The following GBP2 variants were observed in gnomAD, a reference collection of about 807,000 sequenced individuals.
GBP2 encodes the protein guanylate binding protein 2.
GBP2 carries 54 observed loss-of-function variants against 60.8 expected under a neutral mutation model. The ratio of observed to expected loss-of-function variants is 0.89; its 90% confidence interval spans 0.71 to 1.11. The LOEUF is 1.11. Ranked by LOEUF, GBP2 falls within the 50% of genes most tolerant of loss-of-function variation. The probability of loss-of-function intolerance (pLI) is 0.00; values close to 1 mark genes in which losing one functional copy is unlikely to be tolerated. For missense variants in GBP2, 665 were observed against 703.3 expected (o/e 0.95, Z 0.62); for synonymous variants, 243 against 256.5 (o/e 0.95, Z 0.50).
At chr1:89,108,346 T>G in intron 10 of GBP2, 55 bp from the exon 11 acceptor site, 1 of 1,057,244 alleles carries the variant, frequency 9.5e-7, no homozygotes, top group Non-Finnish European at 1.4e-6. Context: ...TCCACCAGAT[T>G]AGTTCCCCTT....
chr1:89,121,877 G>A lies in GBP2; in HGVS notation c.90C>T (p.Ile30=). Residue 30 remains isoleucine, a synonymous_variant, in exon 2 of 11, where the codon ATC becomes ATT. Coordinates refer to ENST00000370466, the MANE Select transcript of GBP2 (RefSeq NM_004120.5). ...QLVVNPEALK[I]LSAITQPVVV... is the part of the protein sequence containing the mutation. Reference sequence around the variant, plus strand: ...CCACAGGCTGCGTAATTGCAGATAGGATCTTCAGAGCTTCTGGATTCACCA... The same window carrying A: ...CCACAGGCTGCGTAATTGCAGATAGAATCTTCAGAGCTTCTGGATTCACCA... 6.2e-7 allele frequency: 1 copy of A among 1,614,102 alleles called. No homozygotes were observed. Among genetic ancestry groups the A allele is most frequent in the Non-Finnish European group, 8.5e-7 (1 of 1,179,984 alleles).
intron 1 of GBP2, among the ~76,000 whole-genome samples, chr1:89,125,173 C>G (rs1360512833): frequency 6.6e-6 from 1 of 152,182 alleles, no homozygotes; most frequent in Non-Finnish European, 1.5e-5. Context: ...AACAAACAAT[C>G]ATAGACTGTA....
intron 5 of GBP2, 128 bp downstream of exon 5, chr1:89,117,449 C>T: frequency 2.1e-6 from 2 of 965,616 alleles, no homozygotes; most frequent in Non-Finnish European, 1.6e-6. Context: ...GCAATGTTTC[C>T]ATTTCCTCTA....
rs2100619759 is a variant in GBP2, at chr1:89,121,279, G to C, written c.191-9C>G. ...GGAGCCTAGAGAGAAGCCTGTAGAA[G>C]GAGAGGATAAAAGGGAAAAGAAATT... On this transcript the variant is annotated splice_polypyrimidine_tract_variant and intron_variant, in intron 2 of 10. Transcript: ENST00000370466. 2 of 1,594,314 alleles carry C rather than the reference G, an allele frequency of 1.3e-6. No homozygotes were observed. The highest frequency in any genetic ancestry group is 1.1e-5 in the South Asian group (1 of 87,484).
intron 9 of GBP2, 32 bp downstream of exon 9, chr1:89,110,132 C>T (rs374892284): frequency 1.0e-5 from 15 of 1,498,478 alleles, no homozygotes; most frequent in African/African-American, 4.2e-5. Flanking sequence ...GAGAGCTTTC[C>T]GACCATGTAG....
At chr1:89,124,212 G>GT (rs1159388557) in intron 1 of GBP2, among the ~76,000 whole-genome samples, 1 of 152,152 alleles carries the variant, frequency 6.6e-6, no homozygotes, top group Non-Finnish European at 1.5e-5. Context: ...CCTTGTGAGT[G>GT]TTTATTTTTA....
At chr1:89,116,815 T>C (rs1448325593) in intron 6 of GBP2, among the ~76,000 whole-genome samples, 177 bp downstream of exon 6, 2 of 152,174 alleles carry the variant, frequency 1.3e-5, no homozygotes, top group Non-Finnish European at 2.9e-5. Flanking sequence ...GAATATGAGA[T>C]GATACTATAG....
At chr1:89,108,372 A>C in intron 10 of GBP2, 81 bp from the exon 11 acceptor site, 1 of 797,558 alleles carries the variant, frequency 1.3e-6, no homozygotes, top group Non-Finnish European at 2.1e-6. Context: ...ACTTATATTG[A>C]TCCTTCAAGA....
chr1:89,110,404 A>G, intron 8 of GBP2, 138 bp from the exon 9 acceptor site: 1 of 665,862 alleles, frequency 1.5e-6, no homozygotes, highest in East Asian at 2.8e-5. Context: ...TTATAGCAGC[A>G]CAATTCGCAA....
chr1:89,108,895 C>CTTTT lies in GBP2; in HGVS notation c.1660-605_1660-604insAAAA, dbSNP rs747547847. On this transcript the variant is annotated intron_variant, in intron 10 of 10. Transcript: ENST00000370466. Reference sequence around the variant, plus strand: ...TTAAGTGGGTAGATGGTTAGGGAATCTTTCTTTTTTTTTTTTTGAGATGGA... The same window carrying CTTTT: ...TTAAGTGGGTAGATGGTTAGGGAATCTTTTTTTCTTTTTTTTTTTTTGAGATGGA... 6.2e-5 allele frequency among the ~76,000 whole-genome samples: 5 copies of CTTTT among 80,272 alleles called. 2 individuals carry two copies. The highest frequency in any genetic ancestry group is 1.4e-4 in the Non-Finnish European group (5 of 34,574). 52.7% of individuals were successfully genotyped at this position (80,272 alleles called of 152,430 possible). A position where few individuals can be genotyped will look rare whatever the true frequency, so the allele number is the denominator to read the frequency against.
chr1:89,119,138 A>G (rs1396189711), intron 4 of GBP2: 4 of 152,224 alleles, frequency 2.6e-5, no homozygotes, highest in African/African-American at 7.2e-5. Context: ...GAGAAAGAGG[A>G]TAGAGTAATC....
At position 89,109,844 on chromosome 1, in the gene GBP2, C is replaced by T. The variant is rs771444129; in HGVS notation, c.1492G>A (p.Glu498Lys). 6.2e-6 allele frequency: 10 copies of T among 1,613,648 alleles called. No homozygotes were observed. In the Admixed American group the frequency reaches 1.7e-4, roughly 27 times the overall value. ...EVERIKAESA[E>K]AAKKMLEEIQ... is the part of the protein sequence containing the mutation. Reference sequence around the variant, plus strand: ...TCCTCCAACATTTTCTTTGCAGCTTCTGCAGATTCAGCCTTTATACGTTCC... The same window carrying T: ...TCCTCCAACATTTTCTTTGCAGCTTTTGCAGATTCAGCCTTTATACGTTCC... Residue 498 changes from glutamate to lysine, a missense_variant, in exon 10 of 11, where the codon GAA becomes AAA. Glu to Lys is a moderately conservative substitution (Grantham distance 56). Transcript: ENST00000370466.
At chr1:89,121,334 A>G (rs1444653699) in intron 2 of GBP2, 64 bp from the exon 3 acceptor site, 1 of 1,383,760 alleles carries the variant, frequency 7.2e-7, no homozygotes, top group Admixed American at 2.3e-5. Context: ...AAATTGAGAT[A>G]AAAGTTAACA....
At position 89,117,198 on chromosome 1, in the gene GBP2, C is replaced by T. The variant is rs369681409; in HGVS notation, c.662G>A (p.Arg221Gln). 35 of 1,613,850 alleles carry T rather than the reference C, an allele frequency of 2.2e-5. No homozygotes were observed. The highest frequency in any genetic ancestry group is 5.3e-5 in the African/African-American group (4 of 74,902). ...DKKSKSFNDPRLCIRKFFPKR... is the reference protein window; with the variant it reads ...DKKSKSFNDPQLCIRKFFPKR... ...GGGGAAGAACTTTCGGATGCACAAC[C>T]GAGGATCATTAAAGCTTTTACTTTT... The change falls in exon 6 of 11, where the codon CGG becomes CAG. Residue 221 changes from arginine to glutamine, a missense_variant. Arg to Gln is a conservative substitution (Grantham distance 43). Coordinates refer to ENST00000370466, the MANE Select transcript of GBP2 (RefSeq NM_004120.5).
chr1:89,116,961 A>T (rs1421959084), intron 6 of GBP2, 31 bp downstream of exon 6: 1 of 1,610,922 alleles, frequency 6.2e-7, no homozygotes, highest in Non-Finnish European at 8.5e-7. Flanking sequence ...GAGAAAGTCC[A>T]GGTAGGAAGT....
intron 1 of GBP2, among the ~76,000 whole-genome samples, chr1:89,123,410 T>C (rs1681452417): frequency 6.6e-6 from 1 of 152,244 alleles, no homozygotes; most frequent in Non-Finnish European, 1.5e-5. Flanking sequence ...CTGATATTTC[T>C]AATTCCAATT....
At chr1:89,115,725 T>C (rs1240831654) in intron 6 of GBP2, among the ~76,000 whole-genome samples, 1 of 152,176 alleles carries the variant, frequency 6.6e-6, no homozygotes, top group African/African-American at 2.4e-5. Context: ...CTCAGCCTCC[T>C]GAGTAGCTAG....
chr1:89,124,117 T>A (rs1360196714), intron 1 of GBP2, among the ~76,000 whole-genome samples: 1 of 152,242 alleles, frequency 6.6e-6, no homozygotes, highest in Non-Finnish European at 1.5e-5. Context: ...CACAGTTTAT[T>A]CAACCGTTCT....
chr1:89,117,642 A>G lies in GBP2; in HGVS notation c.560T>C (p.Leu187Pro). 6.2e-7 allele frequency: 1 copy of G among 1,614,128 alleles called. No individual in the cohort carries two copies. Among genetic ancestry groups the G allele is most frequent in the Non-Finnish European group, 8.5e-7 (1 of 1,179,968 alleles). Reference sequence around the variant, plus strand: ...AGTGATGGGTTCTCCATCTACTTCCAGTTCCAGGGTGAAATCTCTGAGAGT... The same window carrying G: ...AGTGATGGGTTCTCCATCTACTTCCGGTTCCAGGGTGAAATCTCTGAGAGT... ...VWTLRDFTLE[L>P]EVDGEPITAD... Residue 187 changes from leucine (L) to proline (P), a missense_variant, in exon 5 of 11, where the codon CTG becomes CCG. Coordinates refer to ENST00000370466, the MANE Select transcript of GBP2 (RefSeq NM_004120.5).
Sources: allele counts gnomAD v4.1 joint callset (sites outside exome capture counted in the v4.1 genomes callset), GRCh38; gene constraint gnomAD v4.1.1; transcripts MANE v1.5; gene names NCBI Gene and HGNC (gene_info 2026-07-23, HGNC 2026-07-21).